EFEMP1: variants seen among roughly 807,000 people sequenced by gnomAD.
The protein encoded by EFEMP1 is EGF-containing fibulin-like extracellular matrix protein 1.
EFEMP1 carries 18 observed loss-of-function variants against 65.7 expected under a neutral mutation model. The observed-to-expected ratio is 0.27, with a 90% CI of 0.19 to 0.41. The LOEUF (loss-of-function observed/expected upper bound fraction) is 0.41, where lower values mean the gene tolerates loss of function less well. Among genes scored for constraint, EFEMP1 ranks in the 10% least tolerant of loss-of-function variants. EFEMP1 has a pLI of 1.00. For missense variants in EFEMP1, 469 were observed against 624.8 expected, an observed-to-expected ratio of 0.75 and a Z score of 2.66; for synonymous variants, 237 against 219.7, an observed-to-expected ratio of 1.08 and a Z score of -0.70.
intron 11 of EFEMP1, among the ~76,000 whole-genome samples, chr2:55,869,868 C>T (rs1668732093): frequency 6.6e-6 from 1 of 151,996 alleles, no homozygotes; most frequent in Non-Finnish European, 1.5e-5. Flanking sequence ...AAATTTTAAC[C>T]TAAAATGAAC....
chr2:55,866,152 A>C lies in EFEMP1; in HGVS notation c.*921T>G, dbSNP rs1396686749. 6.6e-6 allele frequency: 1 copy of C among 152,210 alleles called. No homozygotes were observed. The highest frequency in any genetic ancestry group is 2.4e-5 in the African/African-American group (1 of 41,456). The allele number at this position is 152,210 out of a possible 1,614,324, so 9.4% of individuals were successfully genotyped here. A position where few individuals can be genotyped will look rare whatever the true frequency, so the allele number is the denominator to read the frequency against. On this transcript the variant is annotated 3_prime_UTR_variant, in exon 12 of 12. Transcript: ENST00000355426. Reference sequence around the variant, plus strand: ...ATCATCATTTTCTTCCTCTGTGAGCATCAAGTACGAAGATGAGAAATTTTA... The same window carrying C: ...ATCATCATTTTCTTCCTCTGTGAGCCTCAAGTACGAAGATGAGAAATTTTA...
At chr2:55,868,216 A>G (rs1668661442) in intron 11 of EFEMP1, among the ~76,000 whole-genome samples, 1 of 152,188 alleles carries the variant, frequency 6.6e-6, no homozygotes, top group East Asian at 1.9e-4. Flanking sequence ...TGTAGGTAAT[A>G]ATAACACCTT....
In EFEMP1 at chr2:55,921,914, G is replaced by A; in HGVS notation, c.81+446C>T. On this transcript the variant is annotated intron_variant, in intron 3 of 11. Coordinates refer to ENST00000355426, the MANE Select transcript of EFEMP1 (RefSeq NM_001039348.3). The surrounding 1 kb of genome is among the most constrained non-coding windows in gnomAD (Gnocchi z 4.1). ...AATTCAATAAAGGCCACTTACTTGAGAATGCATGTCATGTACACAAAGAAG... is the reference window on the plus strand; with the variant it reads ...AATTCAATAAAGGCCACTTACTTGAAAATGCATGTCATGTACACAAAGAAG... 5.2e-6 allele frequency: 1 copy of A among 190,756 alleles called. No individual in the cohort carries two copies. The highest frequency in any genetic ancestry group is 1.3e-4 in the East Asian group (1 of 7,992). The allele number at this position is 190,756 out of a possible 1,614,324, so 11.8% of individuals were successfully genotyped here. A position where few individuals can be genotyped will look rare whatever the true frequency, so the allele number is the denominator to read the frequency against.
rs951447152 is a variant in EFEMP1, at chr2:55,921,335, A to G, written c.81+1025T>C. Among the ~76,000 whole-genome samples the G allele has an allele frequency of 4.6e-5, 7 of 152,266 alleles. No individual in the cohort carries two copies. Among genetic ancestry groups the G allele is most frequent in the African/African-American group, 1.4e-4 (6 of 41,470 alleles). On this transcript the variant is annotated intron_variant, in intron 3 of 11. Coordinates refer to ENST00000355426, the MANE Select transcript of EFEMP1 (RefSeq NM_001039348.3). This position sits in a 1 kb window ranked among gnomAD's most constrained non-coding sequence, Gnocchi z 4.1. Reference sequence around the variant, plus strand: ...TGAACAACAGAAAGGAACATTTGCCAGATGAATACTAACATTCTAGGGATA... The same window carrying G: ...TGAACAACAGAAAGGAACATTTGCCGGATGAATACTAACATTCTAGGGATA...
chr2:55,896,630 T>C (rs1288618523), intron 5 of EFEMP1, among the ~76,000 whole-genome samples: 7 of 152,176 alleles, frequency 4.6e-5, no homozygotes, highest in Non-Finnish European at 1.0e-4. Context: ...CTATTATAAA[T>C]AGAGAATAAA....
rs1668643535 is a variant in EFEMP1 at position 55,867,888 on chromosome 2, G to A, written c.1321-654C>T. 6.6e-6 allele frequency among the ~76,000 whole-genome samples: 1 copy of A among 152,128 alleles called. No individual in the cohort carries two copies. On this transcript the variant is annotated intron_variant, in intron 11 of 11. Transcript: ENST00000355426. This position sits in a 1 kb window ranked among gnomAD's most constrained non-coding sequence, Gnocchi z 4.3. The stretch of plus-strand genomic sequence containing the variant: ...TTGATGAATAATATGATGGGCTCTT[G>A]TGAGTGGAGGGAGATGAGGTTGGAG...
rs1670448672 is a variant in EFEMP1, at chr2:55,910,696, T to A, written c.517+6969A>T. Reference sequence around the variant, plus strand: ...ATTCCACAGATTAAGTGTTAACTAGTCTTAAAAAGAATCTCCTCGTCTTTG... The same window carrying A: ...ATTCCACAGATTAAGTGTTAACTAGACTTAAAAAGAATCTCCTCGTCTTTG... On this transcript the variant is annotated intron_variant, in intron 5 of 11. Coordinates refer to ENST00000355426, the MANE Select transcript of EFEMP1 (RefSeq NM_001039348.3). Among the ~76,000 whole-genome samples the A allele has an allele frequency of 2.0e-5, 3 of 152,216 alleles. No homozygotes were observed. The South Asian group carries it at 6.2e-4, about 31-fold the overall frequency.
chr2:55,886,978 A>G lies in EFEMP1; in HGVS notation c.518-5244T>C, dbSNP rs1669444502. On this transcript the variant is annotated intron_variant, in intron 5 of 11. Transcript: ENST00000355426. The surrounding 1 kb of genome is among the most constrained non-coding windows in gnomAD (Gnocchi z 4.0). ...TATATAATATTTTATACAGATTCATATACAAACTTGGTAACATTCTAAAAT... is the reference window on the plus strand; with the variant it reads ...TATATAATATTTTATACAGATTCATGTACAAACTTGGTAACATTCTAAAAT... Among the ~76,000 whole-genome samples, 1 of 152,156 alleles carries G rather than the reference A, an allele frequency of 6.6e-6. No individual in the cohort carries two copies. The highest frequency in any genetic ancestry group is 2.4e-5 in the African/African-American group (1 of 41,452).
chr2:55,888,483 G>T, intron 5 of EFEMP1, among the ~76,000 whole-genome samples: 1 of 151,634 alleles, frequency 6.6e-6, no homozygotes, highest in East Asian at 1.9e-4. Context: ...GATTACAGGC[G>T]CCCACCACCA....
At chr2:55,872,939 A>G (rs1210731692) in intron 9 of EFEMP1, among the ~76,000 whole-genome samples, 5 of 152,030 alleles carry the variant, frequency 3.3e-5, no homozygotes, top group Non-Finnish European at 7.4e-5. Context: ...ACTTCCATTA[A>G]TGTAGAGCCT....
At chr2:55,875,631 G>A (rs1368013940) in intron 8 of EFEMP1, among the ~76,000 whole-genome samples, 1 of 152,034 alleles carries the variant, frequency 6.6e-6, no homozygotes, top group Admixed American at 6.6e-5. Context: ...ATTGGCTTGT[G>A]GTTGACGGCC....
At chr2:55,897,757 T>C (rs1669883312) in intron 5 of EFEMP1, among the ~76,000 whole-genome samples, 1 of 152,216 alleles carries the variant, frequency 6.6e-6, no homozygotes, top group Admixed American at 6.5e-5. Context: ...TATATAAAAA[T>C]AACCTTTAAC....
At chr2:55,880,485 C>T (rs1031393399) in intron 6 of EFEMP1, among the ~76,000 whole-genome samples, 2 of 152,172 alleles carry the variant, frequency 1.3e-5, no homozygotes, top group African/African-American at 4.8e-5. Flanking sequence ...TATAGCAAAC[C>T]CTGGGCCTTC....
rs202147132 is a variant in EFEMP1, at chr2:55,917,948, A to G, written c.234T>C (p.Ile78=). ...YLCLPKTAQI[I]VNNEQPQQET... ...CCTGCTGAGGCTGTTCATTATTGACAATAATCTGGGCTGTTTTCGGAAGGC... is the reference window on the plus strand; with the variant it reads ...CCTGCTGAGGCTGTTCATTATTGACGATAATCTGGGCTGTTTTCGGAAGGC... The change falls in exon 5 of 12, where the codon ATT becomes ATC. Residue 78 remains isoleucine, a synonymous_variant. Coordinates refer to ENST00000355426, the MANE Select transcript of EFEMP1 (RefSeq NM_001039348.3). This position sits in a 1 kb window ranked among gnomAD's most constrained non-coding sequence, Gnocchi z 6.3. 4 of 1,614,188 alleles carry G rather than the reference A, an allele frequency of 2.5e-6. No homozygotes were observed. Among genetic ancestry groups the G allele is most frequent in the Non-Finnish European group, 3.4e-6 (4 of 1,180,044 alleles).
intron 5 of EFEMP1, among the ~76,000 whole-genome samples, chr2:55,913,072 T>C (rs1670541293): frequency 6.6e-6 from 1 of 152,216 alleles, no homozygotes; most frequent in Non-Finnish European, 1.5e-5. Flanking sequence ...CTTTTGAAAG[T>C]ACAAAACAAA....
intron 5 of EFEMP1, among the ~76,000 whole-genome samples, chr2:55,912,848 T>C (rs1201225727): frequency 2.0e-5 from 3 of 152,152 alleles, no homozygotes; most frequent in Admixed American, 6.5e-5. Flanking sequence ...GTGGTGAAAT[T>C]TTTTCTAGGT....
chr2:55,891,274 A>G (rs1351301191), intron 5 of EFEMP1, among the ~76,000 whole-genome samples: 1 of 152,112 alleles, frequency 6.6e-6, no homozygotes, highest in Admixed American at 6.5e-5. Flanking sequence ...AAACGATTCA[A>G]TGTGGATCCC....
At chr2:55,881,169 A>C (rs1483932969) in intron 6 of EFEMP1, among the ~76,000 whole-genome samples, 1 of 152,184 alleles carries the variant, frequency 6.6e-6, no homozygotes, top group Non-Finnish European at 1.5e-5. Context: ...GAGACACAGG[A>C]TTTAAGTAAC....
intron 5 of EFEMP1, among the ~76,000 whole-genome samples, chr2:55,909,655 T>C (rs1670408143): frequency 6.6e-6 from 1 of 152,200 alleles, no homozygotes; most frequent in Non-Finnish European, 1.5e-5. Context: ...AACAGACTTT[T>C]GTCCTTAACC....
Sources: gnomAD v4.1 joint callset for allele counts (sites outside exome capture counted in the v4.1 genomes callset) on GRCh38, gnomAD v4.1.1 for gene constraint, Gnocchi (gnomAD v3.1) non-coding constraint, MANE v1.5 for transcripts, NCBI Gene and HGNC (gene_info 2026-07-23, HGNC 2026-07-21) for gene names.